The following VAMP7 variants were observed in gnomAD, a reference collection of about 807,000 sequenced individuals.
VAMP7 encodes vesicle-associated membrane protein 7.
VAMP7 carries 14 observed loss-of-function variants against 29.6 expected under a neutral mutation model. The ratio of observed to expected loss-of-function variants is 0.47; its 90% CI spans 0.31 to 0.74. VAMP7 has a LOEUF of 0.74. VAMP7 is among the 30% of genes least tolerant of loss of function. The pLI is 0.05. For synonymous variants in VAMP7, 95 were observed against 88.1 expected, an observed-to-expected ratio of 1.08 and a Z score of -0.44; for missense variants, 223 against 262.4, an observed-to-expected ratio of 0.85 and a Z score of 1.04.
chrX:155,881,740 T>A (rs1474768631), intron 1 of VAMP7, among the ~76,000 whole-genome samples: 1 of 152,208 alleles, frequency 6.6e-6, no homozygotes, highest in Non-Finnish European at 1.5e-5. Flanking sequence ...GACCTTTCTG[T>A]AGCATTTAAA....
intron 1 of VAMP7, among the ~76,000 whole-genome samples, chrX:155,885,256 G>A (rs1407783678): frequency 6.6e-6 from 1 of 152,076 alleles, no homozygotes; most frequent in Non-Finnish European, 1.5e-5. Context: ...AACTGTTGTG[G>A]GTGACCCTTC....
At position 155,941,888 on chromosome X, in the gene VAMP7, C is replaced by T. The variant is rs200420885; in HGVS notation, c.600C>T (p.Phe200=). Reference sequence around the variant, plus strand: ...TGCTCTCCTCGTCCCTCCAGGTGTTCATCTATATCATTGTTTCACCTCTCT... The same window carrying T: ...TGCTCTCCTCGTCCCTCCAGGTGTTTATCTATATCATTGTTTCACCTCTCT... ...TIIIIIVSIV[F]IYIIVSPLCG... The change falls in exon 8 of 8, where the codon TTC becomes TTT. Residue 200 remains phenylalanine (F), a synonymous_variant. Transcript: ENST00000286448. The T allele has an allele frequency of 8.5e-5, 137 of 1,613,548 alleles. 1 individual carries two copies. Among genetic ancestry groups the T allele is most frequent in the Non-Finnish European group, 5.2e-5 (61 of 1,179,714 alleles).
chrX:155,885,612 C>G (rs371417378), intron 1 of VAMP7, among the ~76,000 whole-genome samples: 1 of 152,272 alleles, frequency 6.6e-6, no homozygotes. Flanking sequence ...TGGGGTCATA[C>G]TGGAGTAGAG....
chrX:155,908,120 G>C (rs1202535350), intron 5 of VAMP7, among the ~76,000 whole-genome samples: 1 of 152,140 alleles, frequency 6.6e-6, no homozygotes, highest in African/African-American at 2.4e-5. Context: ...GACGATGGGT[G>C]CCCAGGCAGA....
intron 5 of VAMP7, among the ~76,000 whole-genome samples, chrX:155,911,412 G>T (rs960418585): frequency 6.6e-6 from 1 of 152,036 alleles, no homozygotes; most frequent in Non-Finnish European, 1.5e-5. Context: ...TTTTGCTCAG[G>T]ATTGCTTTGG....
chrX:155,919,416 C>T (rs1289048067), intron 5 of VAMP7, among the ~76,000 whole-genome samples: 1 of 152,100 alleles, frequency 6.6e-6, no homozygotes, highest in East Asian at 1.9e-4. Context: ...ATGGTCACTT[C>T]TTCCAATTTT....
intron 7 of VAMP7, among the ~76,000 whole-genome samples, chrX:155,940,954 A>G (rs1280836595): frequency 1.3e-5 from 2 of 152,156 alleles, no homozygotes; most frequent in Admixed American, 6.6e-5. Context: ...TCATCAATGC[A>G]TCCTTTTCCA....
chrX:155,938,966 C>A (rs1330140417), intron 6 of VAMP7, among the ~76,000 whole-genome samples: 2 of 152,098 alleles, frequency 1.3e-5, no homozygotes, highest in Admixed American at 6.5e-5. Flanking sequence ...TGTTATGACT[C>A]TCCTGTAATT....
intron 5 of VAMP7, among the ~76,000 whole-genome samples, chrX:155,917,598 CACTCCAG>C (rs1435441419): frequency 6.6e-6 from 1 of 152,146 alleles, no homozygotes; most frequent in Non-Finnish European, 1.5e-5. Context: ...GTTGGAGGTC[CACTCCAG>C]ACCCAGTTTG....
At chrX:155,904,341 A>T (rs1045155927) in intron 5 of VAMP7, among the ~76,000 whole-genome samples, 15 of 143,274 alleles carry the variant, frequency 1.0e-4, no homozygotes, top group African/African-American at 3.7e-4. Context: ...GTACCCTAAA[A>T]CTTAAAGTAT....
chrX:155,921,200 C>A (rs1407236357), intron 6 of VAMP7, among the ~76,000 whole-genome samples: 1 of 152,138 alleles, frequency 6.6e-6, no homozygotes, highest in Non-Finnish European at 1.5e-5. Context: ...GACTTCATGA[C>A]TGAAAACAGA....
chrX:155,914,714 A>G (rs1044031777), intron 5 of VAMP7, among the ~76,000 whole-genome samples: 7 of 152,162 alleles, frequency 4.6e-5, no homozygotes, highest in Admixed American at 4.6e-4. Context: ...GATGAAGCTG[A>G]CCTGATCGTG....
chrX:155,926,174 G>C (rs1456130456), intron 6 of VAMP7, among the ~76,000 whole-genome samples: 2 of 152,072 alleles, frequency 1.3e-5, no homozygotes, highest in African/African-American at 2.4e-5. Flanking sequence ...CAGCTGCATT[G>C]GTCCCTAATA....
chrX:155,924,508 C>T (rs1375907846), intron 6 of VAMP7, among the ~76,000 whole-genome samples: 1 of 152,100 alleles, frequency 6.6e-6, no homozygotes, highest in Admixed American at 6.5e-5. Flanking sequence ...TCTGAATTTG[C>T]CTGTTCTAGA....
Position 155,942,337 on chromosome X carries a change from A to G in VAMP7, c.*386A>G, listed in dbSNP as rs1359404876. 8.4e-5 allele frequency: 54 copies of G among 642,228 alleles called. No individual in the cohort carries two copies. The highest frequency in any genetic ancestry group is 4.7e-4 in the Admixed American group (15 of 32,246). The allele number at this position is 642,228 out of a possible 1,614,324, so 39.8% of individuals were successfully genotyped here. A position where few individuals can be genotyped will look rare whatever the true frequency, so the allele number is the denominator to read the frequency against. On this transcript the variant is annotated 3_prime_UTR_variant, in exon 8 of 8. Transcript: ENST00000286448. The stretch of plus-strand genomic sequence containing the variant: ...GTGCACACAAAAGTATTCAAGAGAC[A>G]GTATTGCTAACATCTCATCTTAATG...
At position 155,919,852 on chromosome X, in the gene VAMP7, T is replaced by C. The variant is rs2066370009; in HGVS notation, c.473T>C (p.Ile158Thr). 2 of 1,613,320 alleles carry C rather than the reference T, an allele frequency of 1.2e-6. No homozygotes were observed. Among genetic ancestry groups the C allele is most frequent in the Non-Finnish European group, 1.7e-6 (2 of 1,179,608 alleles). ...AQRGERLELLIDKTENLVDSS... is the reference protein window; with the variant it reads ...AQRGERLELLTDKTENLVDSS... The stretch of plus-strand genomic sequence containing the variant: ...CGAGGAGAAAGATTGGAATTATTGA[T>C]TGACAAAACAGAAAATCTTGTGGAT... The change falls in exon 6 of 8, where the codon ATT becomes ACT. Residue 158 changes from isoleucine to threonine, a missense_variant. Coordinates refer to ENST00000286448, the MANE Select transcript of VAMP7 (RefSeq NM_005638.6).
intron 5 of VAMP7, among the ~76,000 whole-genome samples, chrX:155,906,089 A>C (rs2066142604): frequency 6.6e-6 from 1 of 152,088 alleles, no homozygotes; most frequent in African/African-American, 2.4e-5. Context: ...TTCAGTGTGC[A>C]AGTCTTACAT....
intron 6 of VAMP7, among the ~76,000 whole-genome samples, chrX:155,934,393 G>T (rs2066614097): frequency 6.6e-6 from 1 of 152,152 alleles, no homozygotes; most frequent in Non-Finnish European, 1.5e-5. Context: ...CCTGTATTGG[G>T]TGCATAAATA....
chrX:155,887,526 C>T (rs1366183961), intron 1 of VAMP7, among the ~76,000 whole-genome samples: 1 of 152,028 alleles, frequency 6.6e-6, no homozygotes, highest in Non-Finnish European at 1.5e-5. Flanking sequence ...TGTTGGTGAC[C>T]TTAGGAAGCA....
Sources: gnomAD v4.1 joint callset for allele counts (sites outside exome capture counted in the v4.1 genomes callset) on GRCh38, gnomAD v4.1.1 for gene constraint, MANE v1.5 for transcripts, NCBI Gene and HGNC (gene_info 2026-07-23, HGNC 2026-07-21) for gene names.